DTD1: variants seen among roughly 807,000 people sequenced by gnomAD.
DTD1 encodes the protein D-tyrosyl-tRNA deacylase 1 homolog.
In DTD1, 13 loss-of-function variants were observed where a neutral mutation model predicts 25.6. That is an observed-to-expected ratio of 0.51 (90% confidence interval 0.33 to 0.81). The LOEUF (loss-of-function observed/expected upper bound fraction) is 0.81. Among genes scored for constraint, DTD1 ranks in the 30% least tolerant of loss-of-function variants. The probability of loss-of-function intolerance (pLI) is 0.02; values close to 1 mark genes in which losing one functional copy is unlikely to be tolerated. For missense variants in DTD1, 193 were observed against 266.4 expected, an observed-to-expected ratio of 0.72 and a Z score of 1.92; for synonymous variants, 110 against 103.6, an observed-to-expected ratio of 1.06 and a Z score of -0.37.
intron 4 of DTD1, among the ~76,000 whole-genome samples, chr20:18,681,253 A>T (rs2060995665): frequency 6.6e-6 from 1 of 152,208 alleles, no homozygotes; most frequent in South Asian, 2.1e-4. Context: ...GGGCACGCTG[A>T]GCTGTCTGTC....
chr20:18,718,993 A>G (rs892683743), intron 4 of DTD1, among the ~76,000 whole-genome samples: 17 of 152,200 alleles, frequency 1.1e-4, no homozygotes, highest in African/African-American at 4.1e-4. Flanking sequence ...CGTTTTGTAC[A>G]GATGCTCCTA....
At chr20:18,688,732 A>G (rs1014638146) in intron 4 of DTD1, among the ~76,000 whole-genome samples, 7 of 151,890 alleles carry the variant, frequency 4.6e-5, no homozygotes, top group Non-Finnish European at 1.0e-4. Context: ...TTTTTTAGCT[A>G]TGAAGCATTC....
At chr20:18,676,968 CTT>C (rs1282492080) in intron 4 of DTD1, among the ~76,000 whole-genome samples, 6 of 152,188 alleles carry the variant, frequency 3.9e-5, no homozygotes, top group Non-Finnish European at 5.9e-5. Context: ...GTGCGTTTCT[CTT>C]GTTTTTATTC....
intron 5 of DTD1, among the ~76,000 whole-genome samples, chr20:18,757,993 G>C (rs2061346187): frequency 6.6e-6 from 1 of 152,182 alleles, no homozygotes; most frequent in Non-Finnish European, 1.5e-5. Context: ...TCCTGGTTTA[G>C]TCTTGGGAGG....
intron 4 of DTD1, among the ~76,000 whole-genome samples, chr20:18,638,215 C>A (rs1197569241): frequency 1.0e-5 from 1 of 98,518 alleles, no homozygotes; most frequent in East Asian, 2.7e-4. Context: ...ATCCATCCAT[C>A]TATCCATCCA....
chr20:18,717,516 G>C (rs913264488), intron 4 of DTD1, among the ~76,000 whole-genome samples: 1 of 152,086 alleles, frequency 6.6e-6, no homozygotes, highest in African/African-American at 2.4e-5. Context: ...TAGTAAATTC[G>C]TGACATACCT....
chr20:18,699,764 GTGTT>G (rs1298011257), intron 4 of DTD1, among the ~76,000 whole-genome samples: 2 of 152,304 alleles, frequency 1.3e-5, no homozygotes, highest in South Asian at 2.1e-4. Context: ...GATCATGTGT[GTGTT>G]TGTGTGTGTG....
intron 3 of DTD1, among the ~76,000 whole-genome samples, chr20:18,618,264 G>A (rs1043115677): frequency 6.6e-6 from 1 of 152,176 alleles, no homozygotes; most frequent in Non-Finnish European, 1.5e-5. Context: ...AATGCACAGA[G>A]TGTGGTTGGA....
chr20:18,751,170 A>G (rs2061320262), intron 5 of DTD1, among the ~76,000 whole-genome samples: 2 of 151,840 alleles, frequency 1.3e-5, no homozygotes. Context: ...TCATTCTCTG[A>G]GCTTCACTTT....
intron 5 of DTD1, among the ~76,000 whole-genome samples, chr20:18,753,625 C>T (rs1420742027): frequency 8.3e-5 from 3 of 35,934 alleles, no homozygotes; most frequent in South Asian, 7.3e-4. Context: ...AAAAAAAAGA[C>T]GTTGATATAT....
chr20:18,729,397 T>C (rs1266515146), intron 4 of DTD1, among the ~76,000 whole-genome samples: 1 of 152,254 alleles, frequency 6.6e-6, no homozygotes, highest in East Asian at 1.9e-4. Flanking sequence ...GAGCTACTGG[T>C]AGATCCTGAA....
At chr20:18,679,378 C>T (rs924824924) in intron 4 of DTD1, among the ~76,000 whole-genome samples, 1 of 152,212 alleles carries the variant, frequency 6.6e-6, no homozygotes, top group Non-Finnish European at 1.5e-5. Flanking sequence ...GTTTACATGA[C>T]GTGCATCCAA....
intron 4 of DTD1, among the ~76,000 whole-genome samples, chr20:18,637,345 C>T (rs1441509404): frequency 1.3e-5 from 2 of 152,170 alleles, no homozygotes; most frequent in Admixed American, 6.5e-5. Context: ...AACGCAATTA[C>T]AGATGTGTCA....
At chr20:18,722,266 C>T (rs1385158001) in intron 4 of DTD1, among the ~76,000 whole-genome samples, 1 of 152,230 alleles carries the variant, frequency 6.6e-6, no homozygotes, top group Non-Finnish European at 1.5e-5. Context: ...GAGTTGGGCC[C>T]TGCCCATCTG....
rs58056747 is a variant in DTD1, at chr20:18,719,753, G to T, written c.478-24347G>T. The stretch of plus-strand genomic sequence containing the variant: ...GGTGACAGCAGTCCAGCCTCTGGTG[G>T]TGGCTGTGACTTAAGACACTTACTT... On this transcript the variant is annotated intron_variant, in intron 4 of 5. Transcript: ENST00000377452. Among the ~76,000 whole-genome samples, 371 of 152,330 alleles carry T rather than the reference G, an allele frequency of 2.4e-3. 7 individuals are homozygous for T. Among genetic ancestry groups the T allele is most frequent in the Admixed American group, 0.02 (303 of 15,308 alleles).
At chr20:18,626,724 C>T (rs749600880) in intron 3 of DTD1, among the ~76,000 whole-genome samples, 1 of 151,870 alleles carries the variant, frequency 6.6e-6, no homozygotes, top group Non-Finnish European at 1.5e-5. Context: ...ATCATCTGTA[C>T]GGATGGAAAT....
rs2061376408 is a variant in DTD1, at chr20:18,765,473, C to T, written c.*2133C>T. 6.6e-6 allele frequency: 1 copy of T among 152,172 alleles called. No individual in the cohort carries two copies. Among genetic ancestry groups the T allele is most frequent in the South Asian group, 2.1e-4 (1 of 4,832 alleles). 9.4% of individuals were successfully genotyped at this position (152,172 alleles called of 1,614,324 possible). A position where few individuals can be genotyped will look rare whatever the true frequency, so the allele number is the denominator to read the frequency against. ...AGAAAGCATTTACTACTTTTGTAAA[C>T]ATTTTGGATTGAAGAGAACTTTTCC... On this transcript the variant is annotated 3_prime_UTR_variant, in exon 6 of 6. Transcript: ENST00000377452.
rs117014778 is a variant in DTD1 at position 18,610,125 on chromosome 20, G to A, written c.370+13884G>A. 4.7e-3 allele frequency among the ~76,000 whole-genome samples: 713 copies of A among 152,338 alleles called. 5 individuals are homozygous for A. The Middle Eastern group carries it at 0.058, about 12-fold the overall frequency. ...AGTAAGGAATATCAGAAAAGCATAAGTGAAGGCATTTTAAATGGGTGAACA... is the reference window on the plus strand; with the variant it reads ...AGTAAGGAATATCAGAAAAGCATAAATGAAGGCATTTTAAATGGGTGAACA... On this transcript the variant is annotated intron_variant, in intron 3 of 5. Coordinates refer to ENST00000377452, the MANE Select transcript of DTD1 (RefSeq NM_080820.6).
chr20:18,735,683 C>A (rs1312094225), intron 4 of DTD1, among the ~76,000 whole-genome samples: 1 of 152,114 alleles, frequency 6.6e-6, no homozygotes, highest in Non-Finnish European at 1.5e-5. Flanking sequence ...TGGAGGTGCT[C>A]TTTTTGTAAA....
Sources: allele counts gnomAD v4.1 joint callset (sites outside exome capture counted in the v4.1 genomes callset), GRCh38; gene constraint gnomAD v4.1.1; transcripts MANE v1.5; gene names NCBI Gene and HGNC (gene_info 2026-07-23, HGNC 2026-07-21).